Variants in RBMS3 observed in about 807,000 individuals in gnomAD.
RBMS3 encodes the protein RNA-binding motif, single-stranded-interacting protein 3.
Under a neutral mutation model 66.8 loss-of-function variants are expected in RBMS3, and 27 were observed. The ratio of observed to expected loss-of-function variants is 0.40; its 90% CI spans 0.30 to 0.56. The LOEUF is 0.56. RBMS3 is among the 20% of genes least tolerant of loss of function. The probability of loss-of-function intolerance (pLI) is 0.40; values close to 1 mark genes in which losing one functional copy is unlikely to be tolerated. For missense variants in RBMS3, 513 were observed against 549.5 expected (o/e 0.93, Z 0.66); for synonymous variants, 188 against 183.0 (o/e 1.03, Z -0.22).
chr3:29,899,025 T>C (rs373823184), intron 9 of RBMS3, among the ~76,000 whole-genome samples: 3 of 151,440 alleles, frequency 2.0e-5, no homozygotes, highest in African/African-American at 7.3e-5. Flanking sequence ...TGTGAGTATA[T>C]AAAAAAAATC....
chr3:29,318,193 G>A (rs148057060), intron 1 of RBMS3, among the ~76,000 whole-genome samples: 294 of 151,898 alleles, frequency 1.9e-3, no homozygotes, highest in African/African-American at 6.7e-3. Flanking sequence ...TGTCTTCACC[G>A]TATTTCAAAG....
At chr3:29,702,057 T>C (rs2052623574) in intron 4 of RBMS3, among the ~76,000 whole-genome samples, 1 of 152,152 alleles carries the variant, frequency 6.6e-6, no homozygotes, top group Non-Finnish European at 1.5e-5. Context: ...TTTGTAAATA[T>C]GCCAATCAGC....
At chr3:29,295,649 C>T (rs1688611154) in intron 1 of RBMS3, among the ~76,000 whole-genome samples, 1 of 151,420 alleles carries the variant, frequency 6.6e-6, no homozygotes, top group Non-Finnish European at 1.5e-5. Context: ...TTTTCAATGA[C>T]AAATGTAATT....
chr3:29,315,590 A>C (rs2034623793), intron 1 of RBMS3, among the ~76,000 whole-genome samples: 1 of 151,720 alleles, frequency 6.6e-6, no homozygotes, highest in South Asian at 2.1e-4. Flanking sequence ...TGCGTGTGTG[A>C]GAGAGAGCTT....
chr3:29,459,550 T>C (rs1185938256), intron 2 of RBMS3, among the ~76,000 whole-genome samples: 2 of 152,210 alleles, frequency 1.3e-5, no homozygotes, highest in Non-Finnish European at 2.9e-5. Context: ...ATGAGAAATA[T>C]TCATTCATTC....
At chr3:29,468,845 G>C (rs2042626491) in intron 2 of RBMS3, among the ~76,000 whole-genome samples, 1 of 152,012 alleles carries the variant, frequency 6.6e-6, no homozygotes, top group Admixed American at 6.6e-5. Flanking sequence ...TATGGAGACA[G>C]AACCATCTAA....
At chr3:29,598,965 T>C (rs9917761) in intron 4 of RBMS3, among the ~76,000 whole-genome samples, 45,241 of 151,754 alleles carry the variant, frequency 0.3, 7,478 homozygotes, top group African/African-American at 0.44. Flanking sequence ...TTAGAAAGAA[T>C]AAAAATTGTG....
At chr3:29,929,450 CTATTA>C (rs1351677942) in intron 10 of RBMS3, among the ~76,000 whole-genome samples, 3 of 152,122 alleles carry the variant, frequency 2.0e-5, no homozygotes, top group East Asian at 1.9e-4. Flanking sequence ...CAAAATGACA[CTATTA>C]TATTAATAGG....
In RBMS3 at chr3:29,312,327, T is replaced by C. The variant is rs191602299; in HGVS notation, c.75+30571T>C. Among the ~76,000 whole-genome samples, 14 of 151,906 alleles carry C rather than the reference T, an allele frequency of 9.2e-5. No homozygotes were observed. The East Asian group carries it at 2.7e-3, about 30-fold the overall frequency. On this transcript the variant is annotated intron_variant, in intron 1 of 14. Transcript: ENST00000383767. ...TGTTGCATGTAAGATAATTTATGAA[T>C]GTGCTTTTTGAAGAATACGTGCTCT...
intron 3 of RBMS3, among the ~76,000 whole-genome samples, chr3:29,511,191 G>A (rs1337473355): frequency 6.6e-6 from 1 of 152,118 alleles, no homozygotes; most frequent in Non-Finnish European, 1.5e-5. Flanking sequence ...CAGCTACTTG[G>A]GAGGCTGAGG....
intron 4 of RBMS3, among the ~76,000 whole-genome samples, chr3:29,733,612 T>G (rs2054231793): frequency 6.6e-6 from 1 of 152,140 alleles, no homozygotes; most frequent in Non-Finnish European, 1.5e-5. Flanking sequence ...ATTTCCCTGA[T>G]GATTAGTGAT....
At chr3:29,875,115 C>T (rs1248981905) in intron 7 of RBMS3, among the ~76,000 whole-genome samples, 1 of 152,158 alleles carries the variant, frequency 6.6e-6, no homozygotes, top group African/African-American at 2.4e-5. Flanking sequence ...ACCCATTCTC[C>T]ATGGATCAAG....
At chr3:29,318,056 A>C (rs114106658) in intron 1 of RBMS3, among the ~76,000 whole-genome samples, 3 of 151,748 alleles carry the variant, frequency 2.0e-5, no homozygotes. Context: ...AAATTACCCT[A>C]TTTGGGATCA....
At chr3:29,687,351 A>G (rs1233128606) in intron 4 of RBMS3, among the ~76,000 whole-genome samples, 1 of 152,218 alleles carries the variant, frequency 6.6e-6, no homozygotes, top group Non-Finnish European at 1.5e-5. Flanking sequence ...AATAATCAAA[A>G]CAATAGAATC....
chr3:29,331,390 T>C (rs6790912), intron 1 of RBMS3, among the ~76,000 whole-genome samples: 33,309 of 151,992 alleles, frequency 0.22, 5,205 homozygotes, highest in African/African-American at 0.4. Context: ...AATATGTAAC[T>C]TACAGCCTGT....
intron 4 of RBMS3, among the ~76,000 whole-genome samples, chr3:29,719,383 A>AG (rs2053541033): frequency 6.6e-6 from 1 of 152,182 alleles, no homozygotes; most frequent in Non-Finnish European, 1.5e-5. Flanking sequence ...CCTTGGCCAT[A>AG]GGTAGTATTT....
intron 12 of RBMS3, among the ~76,000 whole-genome samples, chr3:29,986,605 G>C (rs1273908356): frequency 1.3e-5 from 2 of 152,108 alleles, no homozygotes; most frequent in Admixed American, 6.5e-5. Context: ...AAATGTCCAG[G>C]GAACTGTTAT....
At chr3:29,636,398 A>T (rs1314713006) in intron 4 of RBMS3, among the ~76,000 whole-genome samples, 1 of 151,830 alleles carries the variant, frequency 6.6e-6, no homozygotes, top group Non-Finnish European at 1.5e-5. Flanking sequence ...GCAAATAAAA[A>T]TTTTTCTAAA....
intron 3 of RBMS3, among the ~76,000 whole-genome samples, chr3:29,541,756 T>C (rs2045768829): frequency 6.6e-6 from 1 of 152,194 alleles, no homozygotes. Context: ...TGGCAAGGTC[T>C]TACATCTTCT....
Sources: allele counts gnomAD v4.1 joint callset (sites outside exome capture counted in the v4.1 genomes callset), GRCh38; gene constraint gnomAD v4.1.1; transcripts MANE v1.5; gene names NCBI Gene and HGNC (gene_info 2026-07-23, HGNC 2026-07-21).